The following RNF180 variants were observed in gnomAD, a reference collection of about 807,000 sequenced individuals.
The protein encoded by RNF180 is E3 ubiquitin-protein ligase RNF180.
Under a neutral mutation model 59.2 loss-of-function variants are expected in RNF180, and 38 were observed. That is an observed-to-expected ratio of 0.64 (90% CI 0.50 to 0.84). The LOEUF (loss-of-function observed/expected upper bound fraction) is 0.84, where lower values mean the gene tolerates loss of function less well. RNF180 is among the 40% of genes least tolerant of loss of function. The pLI, the probability that RNF180 is intolerant of heterozygous loss-of-function variation, is 0.00. For missense variants in RNF180, 705 were observed against 700.9 expected (o/e 1.01, Z -0.07); for synonymous variants, 262 against 240.3 (o/e 1.09, Z -0.84).
chr5:64,345,079 G>A (rs1376239584), intron 7 of RNF180, among the ~76,000 whole-genome samples: 4 of 152,138 alleles, frequency 2.6e-5, no homozygotes, highest in East Asian at 1.9e-4. Flanking sequence ...AATGCAATTT[G>A]CAAGGTATAA....
chr5:64,211,545 C>T (rs1420204620), intron 2 of RNF180, among the ~76,000 whole-genome samples: 1 of 152,152 alleles, frequency 6.6e-6, no homozygotes, highest in African/African-American at 2.4e-5. Context: ...GTTAGTGAGA[C>T]CTTCCTGCAT....
chr5:64,196,141 A>G (rs1298776211), intron 1 of RNF180, among the ~76,000 whole-genome samples: 1 of 151,752 alleles, frequency 6.6e-6, no homozygotes, highest in Admixed American at 6.6e-5. Context: ...AGATGGAAAC[A>G]CCTGTAACCT....
intron 5 of RNF180, among the ~76,000 whole-genome samples, chr5:64,309,812 C>A (rs1352026021): frequency 1.3e-5 from 2 of 151,404 alleles, no homozygotes; most frequent in Non-Finnish European, 1.5e-5. Flanking sequence ...TTTAAAAAAT[C>A]ATTCAGTTTA....
At chr5:64,357,912 T>C (rs1220978317) in intron 7 of RNF180, among the ~76,000 whole-genome samples, 1 of 151,888 alleles carries the variant, frequency 6.6e-6, no homozygotes, top group Non-Finnish European at 1.5e-5. Context: ...AACTTTGTAA[T>C]TTTTATAACC....
In RNF180 at chr5:64,339,089, G is replaced by A. The variant is rs141561000; in HGVS notation, c.1579+8683G>A. 4.5e-3 allele frequency among the ~76,000 whole-genome samples: 683 copies of A among 151,382 alleles called. 4 individuals are homozygous for A. Among genetic ancestry groups the A allele is most frequent in the South Asian group, 0.027 (128 of 4,790 alleles). On this transcript the variant is annotated intron_variant, in intron 7 of 7. Coordinates refer to ENST00000389100, the MANE Select transcript of RNF180 (RefSeq NM_001113561.2). ...TGTTTATAATATTTTAATCTGTCTT[G>A]TATATCTAGTTATGCTCTTTGAATT... is the stretch of plus-strand genomic sequence containing the variant.
intron 5 of RNF180, among the ~76,000 whole-genome samples, chr5:64,308,969 A>G (rs1215639957): frequency 1.3e-5 from 2 of 151,794 alleles, no homozygotes; most frequent in East Asian, 3.9e-4. Context: ...CCATTGTTTT[A>G]TAAAGCAGAA....
intron 5 of RNF180, among the ~76,000 whole-genome samples, chr5:64,308,684 C>T (rs1743601132): frequency 1.3e-5 from 2 of 151,600 alleles, no homozygotes; most frequent in South Asian, 4.1e-4. Flanking sequence ...TCCCACCTTG[C>T]TCAGAGTAAA....
At chr5:64,299,330 A>C (rs924661560) in intron 5 of RNF180, among the ~76,000 whole-genome samples, 2 of 151,924 alleles carry the variant, frequency 1.3e-5, no homozygotes, top group South Asian at 2.1e-4. Context: ...ATGATTTATC[A>C]AAATAGTCAT....
In RNF180 at chr5:64,370,102, T is replaced by G; in HGVS notation, c.*288T>G. 1 of 188,468 alleles carries G rather than the reference T, an allele frequency of 5.3e-6. No individual in the cohort carries two copies. 11.7% of individuals were successfully genotyped at this position (188,468 alleles called of 1,614,324 possible). ...TGATTTTATAATATCACTTTAATAC[T>G]TATTTTGATTGTAAAAAACTGAAGT... is the stretch of plus-strand genomic sequence containing the variant. On this transcript the variant is annotated 3_prime_UTR_variant, in exon 8 of 8. Transcript: ENST00000389100.
chr5:64,346,277 A>G (rs1301795022), intron 7 of RNF180, among the ~76,000 whole-genome samples: 1 of 151,130 alleles, frequency 6.6e-6, no homozygotes, highest in African/African-American at 2.4e-5. Context: ...GAGGGAAGAT[A>G]AGAGCTAAGG....
chr5:64,255,199 CTT>C (rs1743860032), intron 5 of RNF180, among the ~76,000 whole-genome samples: 1 of 151,834 alleles, frequency 6.6e-6, no homozygotes, highest in Admixed American at 6.6e-5. Context: ...TTTCTGAACA[CTT>C]TCTTTTTTTA....
intron 5 of RNF180, among the ~76,000 whole-genome samples, chr5:64,263,943 T>C (rs1744509687): frequency 6.6e-6 from 1 of 152,220 alleles, no homozygotes; most frequent in Admixed American, 6.5e-5. Context: ...AAGATTCACC[T>C]ATATTGTTAG....
chr5:64,268,980 C>T (rs949187964), intron 5 of RNF180, among the ~76,000 whole-genome samples: 4 of 152,110 alleles, frequency 2.6e-5, no homozygotes, highest in African/African-American at 9.7e-5. Context: ...AATGTCTCTA[C>T]CTTTTGTTGC....
intron 5 of RNF180, among the ~76,000 whole-genome samples, chr5:64,287,925 T>A (rs1256798225): frequency 6.6e-6 from 1 of 152,208 alleles, no homozygotes; most frequent in East Asian, 1.9e-4. Context: ...TTTGGCAATT[T>A]TTTGCTTTTT....
At chr5:64,244,394 ATGACC>A (rs1035135891) in intron 5 of RNF180, among the ~76,000 whole-genome samples, 3 of 139,854 alleles carry the variant, frequency 2.1e-5, no homozygotes, top group Non-Finnish European at 4.8e-5. Flanking sequence ...AGGAACATAA[ATGACC>A]TGATGGAGCT....
At chr5:64,298,502 T>C in intron 5 of RNF180, among the ~76,000 whole-genome samples, 1 of 152,070 alleles carries the variant, frequency 6.6e-6, no homozygotes, top group Admixed American at 6.6e-5. Flanking sequence ...TACTCCTTTA[T>C]GCAGTGAAAC....
At chr5:64,287,923 T>A (rs1295080772) in intron 5 of RNF180, among the ~76,000 whole-genome samples, 1 of 152,196 alleles carries the variant, frequency 6.6e-6, no homozygotes, top group African/African-American at 2.4e-5. Context: ...CATTTGGCAA[T>A]TTTTTGCTTT....
intron 5 of RNF180, among the ~76,000 whole-genome samples, chr5:64,282,867 G>A (rs1011980200): frequency 6.6e-6 from 1 of 152,164 alleles, no homozygotes; most frequent in African/African-American, 2.4e-5. Context: ...TGGTTCAAGA[G>A]TGTGGTTGTT....
chr5:64,306,949 A>G (rs974781502), intron 5 of RNF180, among the ~76,000 whole-genome samples: 1 of 151,472 alleles, frequency 6.6e-6, no homozygotes, highest in Non-Finnish European at 1.5e-5. Context: ...TGTTGTGCAC[A>G]TGTACCCTAA....
Sources: allele counts gnomAD v4.1 joint callset (sites outside exome capture counted in the v4.1 genomes callset), GRCh38; gene constraint gnomAD v4.1.1; transcripts MANE v1.5; gene names NCBI Gene and HGNC (gene_info 2026-07-23, HGNC 2026-07-21).